MTREX: variants seen among roughly 807,000 people sequenced by gnomAD.
The protein encoded by MTREX is exosome RNA helicase MTR4.
MTREX carries 76 observed loss-of-function variants against 135.4 expected under a neutral mutation model. The observed-to-expected ratio is 0.56, with a 90% CI of 0.47 to 0.68. MTREX has a LOEUF of 0.68. Among genes scored for constraint, MTREX ranks in the 30% least tolerant of loss-of-function variants. The pLI is 0.00. For missense variants in MTREX, 920 were observed against 1,262.1 expected (o/e 0.73, Z 4.11); for synonymous variants, 404 against 401.6 (o/e 1.01, Z -0.07).
intron 19 of MTREX, 51 bp from the exon 20 acceptor site, chr5:55,397,365 T>C (rs746365370): frequency 8.4e-7 from 1 of 1,185,420 alleles, no homozygotes; most frequent in Non-Finnish European, 1.2e-6. Flanking sequence ...AATAGTAGAA[T>C]ATGAACATGT....
chr5:55,336,255 T>C (rs1749551635), intron 5 of MTREX, among the ~76,000 whole-genome samples: 1 of 152,182 alleles, frequency 6.6e-6, no homozygotes, highest in South Asian at 2.1e-4. Flanking sequence ...TAGTACAACG[T>C]TGGATAGTAC....
chr5:55,366,613 ATT>A, intron 15 of MTREX, 110 bp from the exon 16 acceptor site: 1 of 758,904 alleles, frequency 1.3e-6, no homozygotes, highest in Non-Finnish European at 1.9e-6. Context: ...GAACTAATAC[ATT>A]TCTGTAGTAT....
At chr5:55,344,675 T>C (rs993283924) in intron 9 of MTREX, 55 bp downstream of exon 9, 1 of 1,011,982 alleles carries the variant, frequency 9.9e-7, no homozygotes. Flanking sequence ...ATTATTAATA[T>C]CTTGTTGTTG....
intron 7 of MTREX, among the ~76,000 whole-genome samples, chr5:55,342,409 CT>C (rs1749665409): frequency 6.6e-6 from 1 of 152,150 alleles, no homozygotes; most frequent in African/African-American, 2.4e-5. Flanking sequence ...GCAAAGTTAA[CT>C]TTCCTGATTT....
At chr5:55,354,198 A>G (rs2112073093) in intron 14 of MTREX, among the ~76,000 whole-genome samples, 1 of 152,342 alleles carries the variant, frequency 6.6e-6, no homozygotes, top group African/African-American at 2.4e-5. Context: ...TGACAGATAT[A>G]CAATAAAATG....
At chr5:55,362,747 A>T (rs1750038259) in intron 15 of MTREX, among the ~76,000 whole-genome samples, 1 of 152,208 alleles carries the variant, frequency 6.6e-6, no homozygotes, top group Non-Finnish European at 1.5e-5. Flanking sequence ...TTCAAATGAA[A>T]AGTTGAGTAA....
intron 19 of MTREX, among the ~76,000 whole-genome samples, chr5:55,389,498 TG>T (rs1047008914): frequency 1.4e-4 from 22 of 152,048 alleles, no homozygotes; most frequent in Admixed American, 1.4e-3. Flanking sequence ...TGGCAAGGGG[TG>T]GGGGGTTGTT....
intron 15 of MTREX, among the ~76,000 whole-genome samples, chr5:55,361,442 A>G (rs533633596): frequency 1.3e-5 from 2 of 152,318 alleles, no homozygotes; most frequent in East Asian, 3.9e-4. Flanking sequence ...ACACACACAC[A>G]TATTTATATA....
chr5:55,351,522 A>G (rs185791730), intron 13 of MTREX, among the ~76,000 whole-genome samples: 12 of 152,136 alleles, frequency 7.9e-5, no homozygotes, highest in Non-Finnish European at 1.5e-4. Context: ...ACAAGAGCAA[A>G]ACTCTCAAAA....
intron 19 of MTREX, among the ~76,000 whole-genome samples, chr5:55,395,944 G>C (rs975496185): frequency 3.3e-5 from 5 of 152,170 alleles, no homozygotes; most frequent in Non-Finnish European, 7.3e-5. Context: ...TGGTATAAAA[G>C]ACATTATTGT....
intron 21 of MTREX, among the ~76,000 whole-genome samples, chr5:55,402,887 CT>C (rs1347718383): frequency 2.6e-4 from 30 of 115,512 alleles, no homozygotes; most frequent in South Asian, 2.8e-4. Flanking sequence ...TATATAATTT[CT>C]TTTTTTTTTA....
chr5:55,373,046 G>C (rs1750231888), intron 16 of MTREX, among the ~76,000 whole-genome samples: 1 of 150,864 alleles, frequency 6.6e-6, no homozygotes, highest in South Asian at 2.1e-4. Context: ...TTAGAAATTA[G>C]ATTTTTTTTA....
chr5:55,416,348 A>T (rs999268750), intron 25 of MTREX, among the ~76,000 whole-genome samples: 1 of 152,082 alleles, frequency 6.6e-6, no homozygotes, highest in Non-Finnish European at 1.5e-5. Context: ...AAACTATTTT[A>T]AACTGTATAA....
In MTREX at chr5:55,349,634, A is replaced by T; in HGVS notation, c.1302A>T (p.Glu434Asp). The change falls in exon 12 of 27, where the codon GAA (glutamate) becomes GAT (aspartate). Residue 434 changes from glutamate to aspartate, a missense_variant. By Grantham distance (45) the Glu-to-Asp change is conservative (BLOSUM62 2). Coordinates refer to ENST00000230640, the MANE Select transcript of MTREX (RefSeq NM_015360.5). ...FSNAIDCLSD[E>D]DKKLPQVEHV... is the part of the protein sequence containing the mutation. Reference sequence around the variant, plus strand: ...ATGCAATTGATTGCTTATCCGATGAAGATAAAAAACTCCCTCAGGTGAGTT... The same window carrying T: ...ATGCAATTGATTGCTTATCCGATGATGATAAAAAACTCCCTCAGGTGAGTT... 1 of 1,597,856 alleles carries T rather than the reference A, an allele frequency of 6.3e-7. No homozygotes were observed. Among genetic ancestry groups the T allele is most frequent in the South Asian group, 1.1e-5 (1 of 90,536 alleles).
intron 3 of MTREX, 112 bp from the exon 4 acceptor site, chr5:55,327,604 C>A: frequency 2.6e-6 from 2 of 781,748 alleles, no homozygotes; most frequent in Non-Finnish European, 2.1e-6. Flanking sequence ...TAAAGTTCAT[C>A]ACTCTAGTTC....
intron 1 of MTREX, among the ~76,000 whole-genome samples, chr5:55,321,454 C>T (rs556227386): frequency 1.3e-5 from 2 of 152,092 alleles, no homozygotes; most frequent in Admixed American, 1.3e-4. Context: ...TTAAGAAGTC[C>T]GGAAGATCAT....
In MTREX at chr5:55,364,944, C is replaced by A. The variant is rs550007978; in HGVS notation, c.1660-1781C>A. ...ATAGTATAGTGATGTTATTTATCATCCAAATTGGGATACTGTCAGAGTGAA... is the reference window on the plus strand; with the variant it reads ...ATAGTATAGTGATGTTATTTATCATACAAATTGGGATACTGTCAGAGTGAA... On this transcript the variant is annotated intron_variant, in intron 15 of 26. Coordinates refer to ENST00000230640, the MANE Select transcript of MTREX (RefSeq NM_015360.5). 2.6e-5 allele frequency among the ~76,000 whole-genome samples: 4 copies of A among 152,196 alleles called. No individual in the cohort carries two copies. In the East Asian group the frequency reaches 5.8e-4, roughly 22 times the overall value.
chr5:55,355,665 C>A (rs1479702083), intron 14 of MTREX, among the ~76,000 whole-genome samples: 3 of 152,178 alleles, frequency 2.0e-5, no homozygotes, highest in Non-Finnish European at 4.4e-5. Flanking sequence ...TTGGCGAATC[C>A]TGGGGCCAGG....
chr5:55,370,581 TC>T (rs1387049079), intron 16 of MTREX, among the ~76,000 whole-genome samples: 2 of 152,214 alleles, frequency 1.3e-5, no homozygotes, highest in East Asian at 3.8e-4. Context: ...TTTTCTAACT[TC>T]CTGAAACCAG....
Sources: allele counts gnomAD v4.1 joint callset (sites outside exome capture counted in the v4.1 genomes callset), GRCh38; gene constraint gnomAD v4.1.1; transcripts MANE v1.5; gene names NCBI Gene and HGNC (gene_info 2026-07-23, HGNC 2026-07-21).